Variants in ZNF385B observed in about 807,000 individuals in gnomAD.
The protein encoded by ZNF385B is zinc finger protein 533.
A neutral mutation model predicts 39.2 loss-of-function variants in ZNF385B; 23 were observed. The ratio of observed to expected loss-of-function variants is 0.59; its 90% CI spans 0.42 to 0.83. The LOEUF (loss-of-function observed/expected upper bound fraction) is 0.83. ZNF385B is among the 40% of genes least tolerant of loss of function. The pLI, the probability that ZNF385B is intolerant of heterozygous loss-of-function variation, is 0.00. For synonymous variants in ZNF385B, 205 were observed against 222.6 expected, an observed-to-expected ratio of 0.92 and a Z score of 0.70; for missense variants, 552 against 598.9, an observed-to-expected ratio of 0.92 and a Z score of 0.82.
At chr2:179,493,941 G>C (rs2105685453) in intron 5 of ZNF385B, among the ~76,000 whole-genome samples, 1 of 150,776 alleles carries the variant, frequency 6.6e-6, no homozygotes, top group East Asian at 2.0e-4. Flanking sequence ...AAGTGCTGTG[G>C]AATACAGGTC....
intron 1 of ZNF385B, among the ~76,000 whole-genome samples, chr2:179,811,726 C>T (rs1010271602): frequency 3.9e-5 from 6 of 152,046 alleles, no homozygotes; most frequent in African/African-American, 1.4e-4. Flanking sequence ...CCATCCTGGA[C>T]ATTGGCCTTG....
At chr2:179,777,094 T>C (rs1704367340) in intron 1 of ZNF385B, among the ~76,000 whole-genome samples, 2 of 151,884 alleles carry the variant, frequency 1.3e-5, no homozygotes, top group Middle Eastern at 3.4e-3. Flanking sequence ...CCCAACTGTT[T>C]AATGTCTATG....
intron 5 of ZNF385B, among the ~76,000 whole-genome samples, chr2:179,500,878 C>A (rs1363225489): frequency 6.6e-6 from 1 of 152,116 alleles, no homozygotes; most frequent in Non-Finnish European, 1.5e-5. Flanking sequence ...ACATAAGGAT[C>A]TCAAACAACT....
chr2:179,483,228 C>G (rs1408644362), intron 6 of ZNF385B, 44 bp downstream of exon 6: 3 of 1,606,912 alleles, frequency 1.9e-6, no homozygotes, highest in African/African-American at 2.7e-5. Context: ...GGCAGGGGAA[C>G]AGGAGAAACA....
chr2:179,786,079 C>T (rs982076161), intron 1 of ZNF385B, among the ~76,000 whole-genome samples: 1 of 152,142 alleles, frequency 6.6e-6, no homozygotes, highest in African/African-American at 2.4e-5. Flanking sequence ...TGAGGTAAAA[C>T]CCTCCACCAG....
intron 1 of ZNF385B, among the ~76,000 whole-genome samples, chr2:179,801,880 A>T (rs755437273): frequency 6.6e-6 from 1 of 152,142 alleles, no homozygotes; most frequent in Non-Finnish European, 1.5e-5. Context: ...AGTCTGAGAA[A>T]ATTTTATACT....
intron 3 of ZNF385B, among the ~76,000 whole-genome samples, chr2:179,691,740 G>C (rs780806888): frequency 2.0e-5 from 3 of 151,756 alleles, no homozygotes; most frequent in Non-Finnish European, 2.9e-5. Context: ...ACATATACTG[G>C]GCCTTATGAG....
At chr2:179,739,895 A>G (rs915636345) in intron 3 of ZNF385B, among the ~76,000 whole-genome samples, 1 of 152,128 alleles carries the variant, frequency 6.6e-6, no homozygotes, top group Admixed American at 6.6e-5. Flanking sequence ...ACCTTACTAA[A>G]TCACACAAAA....
intron 3 of ZNF385B, among the ~76,000 whole-genome samples, chr2:179,656,705 C>A (rs1355686525): frequency 6.6e-6 from 1 of 152,118 alleles, no homozygotes; most frequent in Non-Finnish European, 1.5e-5. Context: ...CCTTCTTAGA[C>A]ATTTTTTTCA....
At chr2:179,685,741 G>C (rs1450570944) in intron 3 of ZNF385B, among the ~76,000 whole-genome samples, 5 of 152,152 alleles carry the variant, frequency 3.3e-5, no homozygotes, top group Non-Finnish European at 5.9e-5. Context: ...CATTTGCTAG[G>C]CTTAGCCTGT....
At chr2:179,833,756 T>C (rs1708103600) in intron 1 of ZNF385B, among the ~76,000 whole-genome samples, 1 of 152,068 alleles carries the variant, frequency 6.6e-6, no homozygotes, top group Non-Finnish European at 1.5e-5. Flanking sequence ...AAACTAAAAT[T>C]GAATTCACTC....
At chr2:179,702,693 A>G (rs1220500519) in intron 3 of ZNF385B, among the ~76,000 whole-genome samples, 1 of 152,222 alleles carries the variant, frequency 6.6e-6, no homozygotes, top group African/African-American at 2.4e-5. Context: ...ACAAAAACAA[A>G]AGTATTCAAA....
intron 3 of ZNF385B, among the ~76,000 whole-genome samples, chr2:179,755,012 G>A (rs1294078869): frequency 7.2e-5 from 11 of 151,770 alleles, no homozygotes; most frequent in South Asian, 2.1e-4. Flanking sequence ...TAGTTCTTTC[G>A]ATTGTGATGT....
At chr2:179,780,365 T>C (rs1054316083) in intron 1 of ZNF385B, among the ~76,000 whole-genome samples, 5 of 152,180 alleles carry the variant, frequency 3.3e-5, no homozygotes, top group Non-Finnish European at 5.9e-5. Context: ...CCCAGAGGGC[T>C]GGCAGGATGG....
At chr2:179,563,173 T>C (rs1382620417) in intron 3 of ZNF385B, among the ~76,000 whole-genome samples, 2 of 152,210 alleles carry the variant, frequency 1.3e-5, no homozygotes, top group Admixed American at 1.3e-4. Flanking sequence ...ATTGAAGTTA[T>C]ACAGGCTTGG....
intron 1 of ZNF385B, among the ~76,000 whole-genome samples, chr2:179,821,119 T>A (rs1707370025): frequency 1.3e-5 from 2 of 152,176 alleles, no homozygotes; most frequent in African/African-American, 4.8e-5. Context: ...TCTTTACAGG[T>A]AGCCCTCAAA....
intron 3 of ZNF385B, among the ~76,000 whole-genome samples, chr2:179,674,467 C>T (rs1010425390): frequency 2.6e-5 from 4 of 152,106 alleles, no homozygotes; most frequent in Non-Finnish European, 5.9e-5. Context: ...ACCCAAATTT[C>T]ACATGGGAAA....
intron 6 of ZNF385B, among the ~76,000 whole-genome samples, chr2:179,459,697 T>C (rs1188718412): frequency 6.6e-6 from 1 of 151,106 alleles, no homozygotes; most frequent in Non-Finnish European, 1.5e-5. Flanking sequence ...ATTTATTAAA[T>C]AAAAAATGTG....
rs985512628 is a variant in ZNF385B at position 179,718,957 on chromosome 2, T to C, written c.298+50546A>G. 1.1e-4 allele frequency among the ~76,000 whole-genome samples: 16 copies of C among 151,946 alleles called. 1 individual carries two copies. The South Asian group carries it at 3.3e-3, about 32-fold the overall frequency. Reference sequence around the variant, plus strand: ...TACTCACACTTTAAAACTCTGTGTGTGTGTGTGTGTGTGTATATATATTTT... The same window carrying C: ...TACTCACACTTTAAAACTCTGTGTGCGTGTGTGTGTGTGTATATATATTTT... On this transcript the variant is annotated intron_variant, in intron 3 of 9. Transcript: ENST00000410066.
Sources: allele counts gnomAD v4.1 joint callset (sites outside exome capture counted in the v4.1 genomes callset), GRCh38; gene constraint gnomAD v4.1.1; transcripts MANE v1.5; gene names NCBI Gene and HGNC (gene_info 2026-07-23, HGNC 2026-07-21).